AGBL4: variants seen among roughly 807,000 people sequenced by gnomAD.
AGBL4 encodes AGBL carboxypeptidase 4.
Under a neutral mutation model 66.4 loss-of-function variants are expected in AGBL4, and 58 were observed. The observed-to-expected ratio is 0.87, with a 90% CI of 0.71 to 1.09. The LOEUF is 1.09. Among genes scored for constraint, AGBL4 ranks in the 50% least tolerant of loss-of-function variants. AGBL4 has a pLI of 0.00. For missense variants in AGBL4, 579 were observed against 631.0 expected (o/e 0.92, Z 0.88); for synonymous variants, 234 against 222.9 (o/e 1.05, Z -0.44).
At chr1:49,213,907 A>G (rs1648870574) in intron 4 of AGBL4, among the ~76,000 whole-genome samples, 1 of 152,124 alleles carries the variant, frequency 6.6e-6, no homozygotes, top group Non-Finnish European at 1.5e-5. Flanking sequence ...GCAGCCCACC[A>G]TAGCAGACAG....
chr1:49,466,611 A>AT (rs375877526), intron 3 of AGBL4, among the ~76,000 whole-genome samples: 110 of 151,740 alleles, frequency 7.2e-4, no homozygotes, highest in African/African-American at 2.6e-3. Context: ...GGAAATCACA[A>AT]TTTTTTTACA....
Position 48,776,546 on chromosome 1 carries a change from C to T in AGBL4, c.634+90645G>A, listed in dbSNP as rs2148710136. ...GGTCCCCTCCGCCCGGGCCCCCGGC[C>T]CCTCCCGGGGTCCCAGCCCCCGCCC... On this transcript the variant is annotated intron_variant, in intron 6 of 13. Coordinates refer to ENST00000371839, the MANE Select transcript of AGBL4 (RefSeq NM_032785.4). 8.0e-6 allele frequency: 10 copies of T among 1,250,466 alleles called. No homozygotes were observed. The South Asian group carries it at 1.8e-4, about 22-fold the overall frequency. 77.5% of individuals were successfully genotyped at this position (1,250,466 alleles called of 1,614,324 possible). A position where few individuals can be genotyped will look rare whatever the true frequency, so the allele number is the denominator to read the frequency against.
At chr1:49,068,038 C>T (rs76432459) in intron 4 of AGBL4, among the ~76,000 whole-genome samples, 6,571 of 151,956 alleles carry the variant, frequency 0.043, 172 homozygotes, top group East Asian at 0.073. Flanking sequence ...AGTACCTACA[C>T]GTTCCTGGTA....
intron 3 of AGBL4, among the ~76,000 whole-genome samples, chr1:49,581,894 T>G (rs536422774): frequency 1.3e-5 from 2 of 152,238 alleles, no homozygotes; most frequent in South Asian, 4.1e-4. Context: ...CCTGGGCAGC[T>G]GAGATGCCAT....
chr1:49,749,287 G>A (rs924538979), intron 2 of AGBL4, among the ~76,000 whole-genome samples: 10 of 152,102 alleles, frequency 6.6e-5, no homozygotes, highest in East Asian at 1.9e-4. Context: ...GCTTGTTTTC[G>A]TCAGGTTTGT....
intron 3 of AGBL4, among the ~76,000 whole-genome samples, chr1:49,635,383 A>G (rs778167364): frequency 2.3e-4 from 35 of 152,178 alleles, no homozygotes; most frequent in South Asian, 4.1e-4. Context: ...GTCAAGGTAA[A>G]ATAACTCATT....
intron 6 of AGBL4, among the ~76,000 whole-genome samples, chr1:48,857,948 T>C (rs1647218500): frequency 6.6e-6 from 1 of 152,124 alleles, no homozygotes; most frequent in Non-Finnish European, 1.5e-5. Flanking sequence ...ATCCAGAATA[T>C]ATATTCTGAA....
At chr1:49,298,388 G>C (rs944076012) in intron 3 of AGBL4, among the ~76,000 whole-genome samples, 1 of 152,232 alleles carries the variant, frequency 6.6e-6, no homozygotes, top group Non-Finnish European at 1.5e-5. Flanking sequence ...AGCTACTGCA[G>C]AGTTATTACC....
At position 48,568,753 on chromosome 1, in the gene AGBL4, G is replaced by A. The variant is rs566646408; in HGVS notation, c.1267+18251C>T. ...TTCATTCTGTGAGTTTCAGCTCACGGGCTCCTCCTCTATGAAGTCATCCCT... is the reference window on the plus strand; with the variant it reads ...TTCATTCTGTGAGTTTCAGCTCACGAGCTCCTCCTCTATGAAGTCATCCCT... On this transcript the variant is annotated intron_variant, in intron 11 of 13. Transcript: ENST00000371839. Among the ~76,000 whole-genome samples, 5 of 152,240 alleles carry A rather than the reference G, an allele frequency of 3.3e-5. No individual in the cohort carries two copies. In the South Asian group the frequency reaches 1.0e-3, roughly 32 times the overall value.
At chr1:48,874,736 T>C (rs1649050435) in intron 5 of AGBL4, among the ~76,000 whole-genome samples, 1 of 152,132 alleles carries the variant, frequency 6.6e-6, no homozygotes, top group African/African-American at 2.4e-5. Context: ...CTCATCTGGC[T>C]GGAGGAAGGA....
intron 5 of AGBL4, among the ~76,000 whole-genome samples, chr1:48,988,938 A>C (rs1660394621): frequency 6.6e-6 from 1 of 152,168 alleles, no homozygotes; most frequent in African/African-American, 2.4e-5. Context: ...AACTCCATTC[A>C]TTCCTCTGAC....
At chr1:48,737,396 G>A (rs1051558750) in intron 6 of AGBL4, among the ~76,000 whole-genome samples, 20 of 152,218 alleles carry the variant, frequency 1.3e-4, no homozygotes, top group African/African-American at 4.1e-4. Context: ...CCAGTGTATG[G>A]CTAAGTGTGA....
intron 3 of AGBL4, among the ~76,000 whole-genome samples, chr1:49,599,334 G>T (rs772982093): frequency 1.3e-5 from 2 of 152,182 alleles, no homozygotes; most frequent in African/African-American, 2.4e-5. Context: ...AGACTTGGGA[G>T]GGTGTATGTG....
intron 3 of AGBL4, among the ~76,000 whole-genome samples, chr1:49,420,891 C>T (rs1645532167): frequency 6.6e-6 from 1 of 152,116 alleles, no homozygotes; most frequent in Non-Finnish European, 1.5e-5. Flanking sequence ...ACAGCTATTC[C>T]TTACTTTAAG....
chr1:49,089,143 A>G (rs1040246586), intron 4 of AGBL4, among the ~76,000 whole-genome samples: 4 of 151,524 alleles, frequency 2.6e-5, no homozygotes, highest in Non-Finnish European at 5.9e-5. Flanking sequence ...GCCCACATCA[A>G]AAAGTTAGAA....
At chr1:49,010,939 C>T (rs1326519947) in intron 5 of AGBL4, among the ~76,000 whole-genome samples, 4 of 152,188 alleles carry the variant, frequency 2.6e-5, no homozygotes, top group Non-Finnish European at 5.9e-5. Context: ...AGAAGAAAAC[C>T]TAGGCAATAC....
At chr1:49,814,545 A>G (rs896784310) in intron 2 of AGBL4, among the ~76,000 whole-genome samples, 3 of 151,700 alleles carry the variant, frequency 2.0e-5, no homozygotes, top group Admixed American at 6.6e-5. Flanking sequence ...TGAGGATTCA[A>G]CCTTTCTTCT....
At chr1:49,938,269 A>G (rs1437049519) in intron 1 of AGBL4, among the ~76,000 whole-genome samples, 1 of 152,214 alleles carries the variant, frequency 6.6e-6, no homozygotes, top group Non-Finnish European at 1.5e-5. Context: ...ATTCCTCGAC[A>G]CATACACCCT....
chr1:49,385,535 CT>C (rs773562395), intron 3 of AGBL4, among the ~76,000 whole-genome samples: 1 of 151,368 alleles, frequency 6.6e-6, no homozygotes, highest in Non-Finnish European at 1.5e-5. Flanking sequence ...TGGTTAGCTT[CT>C]TTATTGTTTT....
Sources: gnomAD v4.1 joint callset for allele counts (sites outside exome capture counted in the v4.1 genomes callset) on GRCh38, gnomAD v4.1.1 for gene constraint, MANE v1.5 for transcripts, NCBI Gene and HGNC (gene_info 2026-07-23, HGNC 2026-07-21) for gene names.